TTLL11: variants seen among roughly 807,000 people sequenced by gnomAD.
TTLL11 encodes the protein tubulin tyrosine ligase like 11, also known as tubulin polyglutamylase TTLL11.
In TTLL11, 42 loss-of-function variants were observed where a neutral mutation model predicts 51.7. The ratio of observed to expected loss-of-function variants is 0.81; its 90% CI spans 0.64 to 1.05. TTLL11 has a LOEUF of 1.05. TTLL11 is among the 50% of genes least tolerant of loss of function. The pLI, the probability that TTLL11 is intolerant of heterozygous loss-of-function variation, is 0.00. For missense variants in TTLL11, 799 were observed against 940.4 expected (o/e 0.85, Z 1.97); for synonymous variants, 381 against 383.5 (o/e 0.99, Z 0.08).
intron 8 of TTLL11, among the ~76,000 whole-genome samples, chr9:121,836,491 T>C (rs79499761): frequency 0.013 from 2,005 of 152,328 alleles, 54 homozygotes; most frequent in African/African-American, 0.046. Flanking sequence ...CTCTGCTCTC[T>C]GCCTGGGAGC....
intron 6 of TTLL11, among the ~76,000 whole-genome samples, chr9:121,916,572 C>G (rs1840335368): frequency 1.3e-5 from 2 of 152,052 alleles, no homozygotes; most frequent in Admixed American, 1.3e-4. Flanking sequence ...CAGAATAAAA[C>G]AGAATACAGA....
chr9:121,830,785 A>T (rs1401217516), intron 8 of TTLL11, among the ~76,000 whole-genome samples: 1 of 152,194 alleles, frequency 6.6e-6, no homozygotes, highest in Non-Finnish European at 1.5e-5. Context: ...GGAAGGTTCC[A>T]GAAGGCCAGG....
Position 122,069,729 on chromosome 9 carries a change from C to T in TTLL11, c.462+22958G>A, listed in dbSNP as rs72767748. Among the ~76,000 whole-genome samples the T allele has an allele frequency of 6.6e-5, 10 of 151,848 alleles. 1 individual carries two copies. Among genetic ancestry groups the T allele is most frequent in the African/African-American group, 9.7e-5 (4 of 41,306 alleles). ...AGAAGGGCCAGAAGGGATGGGACTC[C>T]GAGGGAGTGGAGTCTGGTCACTCTC... On this transcript the variant is annotated intron_variant, in intron 1 of 8. Transcript: ENST00000321582.
chr9:121,873,656 CT>C (rs1838448020), intron 6 of TTLL11, among the ~76,000 whole-genome samples: 1 of 150,754 alleles, frequency 6.6e-6, no homozygotes, highest in Admixed American at 6.6e-5. Context: ...TCTTCTTCTT[CT>C]TCTTCTTCTT....
intron 6 of TTLL11, among the ~76,000 whole-genome samples, chr9:121,870,978 C>A (rs1201751528): frequency 1.3e-5 from 2 of 152,180 alleles, no homozygotes; most frequent in Non-Finnish European, 2.9e-5. Flanking sequence ...CCTCCTTCCA[C>A]CATCCTGGTT....
chr9:121,828,242 G>C (rs1008565690), intron 8 of TTLL11, among the ~76,000 whole-genome samples: 1 of 147,184 alleles, frequency 6.8e-6, no homozygotes, highest in Non-Finnish European at 1.5e-5. Context: ...GTGAGATCTC[G>C]GCTCATTGCA....
chr9:122,035,024 T>C (rs1844664163), intron 2 of TTLL11, among the ~76,000 whole-genome samples: 2 of 152,250 alleles, frequency 1.3e-5, no homozygotes, highest in African/African-American at 4.8e-5. Context: ...GGTGTTCTAT[T>C]GCTTGTATCC....
chr9:121,881,150 C>A (rs551698536), intron 6 of TTLL11, among the ~76,000 whole-genome samples: 1 of 152,306 alleles, frequency 6.6e-6, no homozygotes, highest in Non-Finnish European at 1.5e-5. Flanking sequence ...AAAAGGCCAA[C>A]TTGAGCTTTC....
chr9:122,070,824 G>A (rs1423828619), intron 1 of TTLL11, among the ~76,000 whole-genome samples: 4 of 152,140 alleles, frequency 2.6e-5, no homozygotes, highest in Admixed American at 6.5e-5. Flanking sequence ...ACCTTCGGGC[G>A]GTGTATGGTG....
chr9:121,965,391 C>A (rs769430104), intron 6 of TTLL11, among the ~76,000 whole-genome samples: 1 of 152,162 alleles, frequency 6.6e-6, no homozygotes, highest in Non-Finnish European at 1.5e-5. Context: ...CACAAGGTGG[C>A]AGGAAAGAGA....
chr9:122,014,100 C>T (rs1045911468), intron 3 of TTLL11, among the ~76,000 whole-genome samples: 1 of 152,126 alleles, frequency 6.6e-6, no homozygotes, highest in African/African-American at 2.4e-5. Context: ...GCACGTGGCT[C>T]ACACCTGTAA....
intron 6 of TTLL11, among the ~76,000 whole-genome samples, chr9:121,919,644 T>G (rs73664722): frequency 1.6e-3 from 237 of 152,200 alleles, no homozygotes; most frequent in African/African-American, 5.5e-3. Flanking sequence ...GAAGTCCAGC[T>G]TGTCCTGCAA....
At chr9:122,046,249 G>T (rs766416965) in intron 1 of TTLL11, among the ~76,000 whole-genome samples, 1 of 152,090 alleles carries the variant, frequency 6.6e-6, no homozygotes, top group Non-Finnish European at 1.5e-5. Context: ...ATTCTCACGA[G>T]ATCTGGTTGT....
chr9:121,874,958 G>T (rs1487522046), intron 6 of TTLL11, among the ~76,000 whole-genome samples: 1 of 151,766 alleles, frequency 6.6e-6, no homozygotes, highest in Non-Finnish European at 1.5e-5. Flanking sequence ...TAGTAGAGAT[G>T]GGGTTTCACC....
intron 8 of TTLL11, among the ~76,000 whole-genome samples, chr9:121,838,905 C>T (rs1057477089): frequency 6.6e-6 from 1 of 152,052 alleles, no homozygotes; most frequent in Non-Finnish European, 1.5e-5. Context: ...CTTTCTTGCC[C>T]TGCTCTGAGG....
chr9:121,928,524 T>A (rs1275191420), intron 6 of TTLL11, among the ~76,000 whole-genome samples: 2 of 151,044 alleles, frequency 1.3e-5, no homozygotes, highest in East Asian at 3.9e-4. Flanking sequence ...CACTGCAATC[T>A]CCACCTCCTG....
chr9:122,021,837 T>G (rs1844190693), intron 3 of TTLL11, among the ~76,000 whole-genome samples: 1 of 151,888 alleles, frequency 6.6e-6, no homozygotes, highest in Non-Finnish European at 1.5e-5. Context: ...TGGGCCACAA[T>G]GAAGAGAAAA....
chr9:121,844,606 A>C (rs1837460136), intron 8 of TTLL11, among the ~76,000 whole-genome samples: 1 of 152,246 alleles, frequency 6.6e-6, no homozygotes, highest in African/African-American at 2.4e-5. Flanking sequence ...AATATGTTAA[A>C]GTCTCTAATG....
chr9:121,884,803 G>A (rs919436893), intron 6 of TTLL11: 2 of 152,172 alleles, frequency 1.3e-5, no homozygotes, highest in African/African-American at 2.4e-5. Flanking sequence ...TCAGCATTTG[G>A]GAGACTGGGG....
Sources: allele counts gnomAD v4.1 joint callset (sites outside exome capture counted in the v4.1 genomes callset), GRCh38; gene constraint gnomAD v4.1.1; transcripts MANE v1.5; gene names NCBI Gene and HGNC (gene_info 2026-07-23, HGNC 2026-07-21).